The following FRYL variants were observed in gnomAD, a reference collection of about 807,000 sequenced individuals.
FRYL encodes FRY like transcription coactivator, also known as protein furry homolog-like.
In FRYL, 150 loss-of-function variants were observed where a neutral mutation model predicts 351.2. The observed-to-expected ratio is 0.43, with a 90% confidence interval of 0.37 to 0.49. The LOEUF (loss-of-function observed/expected upper bound fraction) is 0.49. FRYL is among the 20% of genes least tolerant of loss of function. The pLI is 0.00. For missense variants in FRYL, 3,036 were observed against 3,619.3 expected (o/e 0.84, Z 4.13); for synonymous variants, 1,153 against 1,257.1 (o/e 0.92, Z 1.75).
At position 48,540,574 on chromosome 4, in the gene FRYL, A is replaced by G; in HGVS notation, c.6074T>C (p.Leu2025Pro). Residue 2025 changes from leucine to proline, a missense_variant, in exon 46 of 64, where the codon CTT (leucine) becomes CCT (proline). Leu to Pro is a moderately conservative substitution (Grantham distance 98). Transcript: ENST00000358350. ...CAAATGGATAAGCAGTTTGTTGAGA[A>G]GCCTGAGAGCCAGGAGGTATTCATA... Reference protein sequence around the residue: ...YEYEYLLALRLLNKLLIHLPL... With the variant: ...YEYEYLLALRPLNKLLIHLPL... 1 of 1,614,058 alleles carries G rather than the reference A, an allele frequency of 6.2e-7. No individual in the cohort carries two copies. Among genetic ancestry groups the G allele is most frequent in the Non-Finnish European group, 8.5e-7 (1 of 1,179,964 alleles).
rs1404709816 is a variant in FRYL at position 48,515,901 on chromosome 4, G to A, written c.7690-626C>T. On this transcript the variant is annotated intron_variant, in intron 55 of 63. Coordinates refer to ENST00000358350, the MANE Select transcript of FRYL (RefSeq NM_015030.2). ...AAACTTTGTATTATTAGTATAAATC[G>A]TCTCCTGTTTGAAATGTCATTGCTT... Among the ~76,000 whole-genome samples the A allele has an allele frequency of 2.6e-5, 4 of 151,852 alleles. No individual in the cohort carries two copies. The East Asian group carries it at 7.7e-4, about 29-fold the overall frequency.
intron 2 of FRYL, among the ~76,000 whole-genome samples, chr4:48,702,330 T>C (rs1766817540): frequency 1.3e-5 from 2 of 150,536 alleles, no homozygotes; most frequent in Non-Finnish European, 3.0e-5. Flanking sequence ...GTGGTGCATG[T>C]CTGTAATCCC....
chr4:48,578,984 C>G lies in FRYL; in HGVS notation c.2517G>C (p.Gln839His). The change falls in exon 23 of 64, where the codon CAG (glutamine) becomes CAC (histidine). Residue 839 changes from glutamine (Q) to histidine (H), a missense_variant. By Grantham distance (24) the Gln-to-His change is conservative. Coordinates refer to ENST00000358350, the MANE Select transcript of FRYL (RefSeq NM_015030.2). ...GGAAAATAACTTACTTTATATCGAC[C>G]TGAGGGGACAACAACTGAAGTCTTG... ...AYTRLQLLSP[Q>H]VDINSPINAK... The G allele has an allele frequency of 6.2e-7, 1 of 1,607,138 alleles. No individual in the cohort carries two copies. Among genetic ancestry groups the G allele is most frequent in the Non-Finnish European group, 8.5e-7 (1 of 1,177,244 alleles).
At chr4:48,616,069 C>T (rs1337198818) in intron 7 of FRYL, among the ~76,000 whole-genome samples, 1 of 151,476 alleles carries the variant, frequency 6.6e-6, no homozygotes, top group Non-Finnish European at 1.5e-5. Flanking sequence ...GGCCTCTCGG[C>T]GGGTGGGGAG....
At chr4:48,581,354 G>T in intron 21 of FRYL, 66 bp downstream of exon 21, 1 of 1,418,016 alleles carries the variant, frequency 7.1e-7, no homozygotes, top group Non-Finnish European at 9.7e-7. Context: ...CATGGGATAA[G>T]GATGGACAAA....
Position 48,540,769 on chromosome 4 carries a change from AGT to A in FRYL, c.5877_5878del (p.Leu1960GlyfsTer10). 1 of 1,613,982 alleles carries A rather than the reference AGT, an allele frequency of 6.2e-7. No homozygotes were observed. Among genetic ancestry groups the A allele is most frequent in the Non-Finnish European group, 8.5e-7 (1 of 1,179,920 alleles). On this transcript the variant is annotated frameshift_variant, in exon 46 of 64. Coordinates refer to ENST00000358350, the MANE Select transcript of FRYL (RefSeq NM_015030.2). LOFTEE classifies it high-confidence loss of function. Reference sequence around the variant, plus strand: ...GTTTATCCGTCCATCCATTATATCCAGTGTGTTACTCCGCCGCCGGTCACCTC... The same window carrying A: ...GTTTATCCGTCCATCCATTATATCCAGTGTTACTCCGCCGCCGGTCACCTC...
At chr4:48,765,756 T>TAA (rs1774882753) in intron 1 of FRYL, among the ~76,000 whole-genome samples, 1 of 152,158 alleles carries the variant, frequency 6.6e-6, no homozygotes. Flanking sequence ...AAAAAGAGGT[T>TAA]AATTTTCAGA....
intron 3 of FRYL, among the ~76,000 whole-genome samples, chr4:48,665,905 C>T (rs550440009): frequency 1.1e-3 from 165 of 152,300 alleles, no homozygotes; most frequent in Non-Finnish European, 2.2e-3. Flanking sequence ...ACTACATTTT[C>T]AATCAACTAT....
intron 1 of FRYL, among the ~76,000 whole-genome samples, chr4:48,728,808 G>A (rs749222763): frequency 3.3e-5 from 5 of 152,180 alleles, no homozygotes; most frequent in Admixed American, 1.3e-4. Flanking sequence ...CAAGATCAAC[G>A]CAGAAGATGG....
intron 2 of FRYL, among the ~76,000 whole-genome samples, chr4:48,685,277 C>T (rs1342145381): frequency 3.3e-5 from 5 of 152,156 alleles, no homozygotes; most frequent in African/African-American, 1.2e-4. Flanking sequence ...CTAATCATCA[C>T]TCAAATTTCC....
chr4:48,642,980 A>G (rs1476616782), intron 3 of FRYL, among the ~76,000 whole-genome samples: 1 of 152,158 alleles, frequency 6.6e-6, no homozygotes, highest in African/African-American at 2.4e-5. Flanking sequence ...TGCTACCATG[A>G]GTATGTGTAA....
At chr4:48,505,695 T>C (rs755159402) in intron 59 of FRYL, 80 bp from the exon 60 acceptor site, 28 of 844,844 alleles carry the variant, frequency 3.3e-5, no homozygotes, top group Non-Finnish European at 4.6e-5. Context: ...AACACCAAAC[T>C]TAAAGTTAAC....
At chr4:48,756,528 T>C (rs546486644) in intron 1 of FRYL, among the ~76,000 whole-genome samples, 6 of 152,352 alleles carry the variant, frequency 3.9e-5, no homozygotes, top group African/African-American at 1.4e-4. Context: ...TTGTCTACAA[T>C]TGGATCCTTC....
intron 1 of FRYL, among the ~76,000 whole-genome samples, chr4:48,724,568 A>G (rs1183939770): frequency 6.6e-6 from 1 of 152,192 alleles, no homozygotes; most frequent in Non-Finnish European, 1.5e-5. Context: ...AAGCTCCAGG[A>G]GTTGGGTGCG....
At chr4:48,622,050 T>C (rs1750752744) in intron 5 of FRYL, among the ~76,000 whole-genome samples, 3 of 152,256 alleles carry the variant, frequency 2.0e-5, no homozygotes, top group African/African-American at 7.2e-5. Flanking sequence ...TCAACTATTG[T>C]AAATAAATAC....
intron 3 of FRYL, among the ~76,000 whole-genome samples, chr4:48,656,836 G>A (rs1015758335): frequency 5.9e-5 from 9 of 151,506 alleles, no homozygotes; most frequent in African/African-American, 2.2e-4. Flanking sequence ...TTTACATCAG[G>A]GCTTTATCAT....
intron 47 of FRYL, among the ~76,000 whole-genome samples, chr4:48,537,383 C>T (rs1553922462): frequency 6.6e-6 from 1 of 152,014 alleles, no homozygotes; most frequent in African/African-American, 2.4e-5. Context: ...TTATAACAAA[C>T]TTTTTTAGCA....
chr4:48,549,314 GTTT>G lies in FRYL; in HGVS notation c.4784+156_4784+158del, dbSNP rs572944395. Among the ~76,000 whole-genome samples, 34 of 152,136 alleles carry G rather than the reference GTTT, an allele frequency of 2.2e-4. No homozygotes were observed. The highest frequency in any genetic ancestry group is 4.4e-4 in the Non-Finnish European group (30 of 68,028). On this transcript the variant is annotated intron_variant, in intron 39 of 63. Transcript: ENST00000358350. The surrounding 1 kb of genome is among the most constrained non-coding windows in gnomAD (Gnocchi z 4.2). ...TAATTTTATAAAGTTAGAATTCTGAGTTTTTTAGATTTCTTAGAATCTAAACAC... is the reference window on the plus strand; with the variant it reads ...TAATTTTATAAAGTTAGAATTCTGAGTTTAGATTTCTTAGAATCTAAACAC...
At chr4:48,619,431 G>C in intron 6 of FRYL, 61 bp from the exon 7 acceptor site, 1 of 859,692 alleles carries the variant, frequency 1.2e-6, no homozygotes, top group Non-Finnish European at 1.8e-6. Context: ...ATACCTGTTA[G>C]TTAGTAGCTC....
Sources: allele counts gnomAD v4.1 joint callset (sites outside exome capture counted in the v4.1 genomes callset), GRCh38; gene constraint gnomAD v4.1.1; non-coding constraint Gnocchi (gnomAD v3.1); transcripts MANE v1.5; gene names NCBI Gene and HGNC (gene_info 2026-07-23, HGNC 2026-07-21).